The following RALYL variants were observed in gnomAD, a reference collection of about 807,000 sequenced individuals.
RALYL encodes the protein RNA-binding Raly-like protein.
A neutral mutation model predicts 35.1 loss-of-function variants in RALYL; 29 were observed. That is an observed-to-expected ratio of 0.83 (90% CI 0.61 to 1.13). The LOEUF is 1.13. RALYL is among the 50% of genes most tolerant of loss of function. RALYL has a pLI of 0.00. For synonymous variants in RALYL, 120 were observed against 127.6 expected, an observed-to-expected ratio of 0.94 and a Z score of 0.40; for missense variants, 359 against 360.4, an observed-to-expected ratio of 1.00 and a Z score of 0.03.
chr8:84,764,221 G>T (rs1463895495), intron 2 of RALYL, among the ~76,000 whole-genome samples: 4 of 152,080 alleles, frequency 2.6e-5, no homozygotes, highest in Non-Finnish European at 4.4e-5. Context: ...TTATTATGAT[G>T]CCTGTTACAT....
intron 2 of RALYL, among the ~76,000 whole-genome samples, chr8:84,544,860 T>G (rs2060252203): frequency 6.6e-6 from 1 of 152,078 alleles, no homozygotes. Flanking sequence ...CTTGAATTTT[T>G]CCCCATCTGA....
chr8:84,590,417 A>G (rs1252204), intron 2 of RALYL, among the ~76,000 whole-genome samples: 44,640 of 152,118 alleles, frequency 0.29, 7,263 homozygotes, highest in African/African-American at 0.44. Flanking sequence ...GTCAAAATAA[A>G]CAAGATGAAA....
chr8:84,760,921 T>G (rs940149681), intron 2 of RALYL, among the ~76,000 whole-genome samples: 4 of 152,090 alleles, frequency 2.6e-5, no homozygotes, highest in African/African-American at 9.6e-5. Flanking sequence ...AGAATGCCTG[T>G]AACTGCATGA....
intron 2 of RALYL, among the ~76,000 whole-genome samples, chr8:84,663,236 G>T (rs565594773): frequency 7.9e-5 from 12 of 152,104 alleles, no homozygotes; most frequent in Admixed American, 5.9e-4. Context: ...TCTATAATCG[G>T]TGGGCATTTT....
At chr8:84,583,076 ATTTC>A (rs1811205244) in intron 2 of RALYL, among the ~76,000 whole-genome samples, 2 of 152,034 alleles carry the variant, frequency 1.3e-5, no homozygotes, top group Non-Finnish European at 2.9e-5. Flanking sequence ...TGGATCTTTG[ATTTC>A]TTTGTCTCTT....
intron 2 of RALYL, among the ~76,000 whole-genome samples, chr8:84,565,576 A>G (rs1261878187): frequency 6.6e-6 from 1 of 151,634 alleles, no homozygotes; most frequent in African/African-American, 2.4e-5. Flanking sequence ...AGTCTATCCT[A>G]GAATTTTTTT....
rs186166436 is a variant in RALYL, at chr8:84,428,726, A to G, written c.-23-100573A>G. 1.5e-3 allele frequency among the ~76,000 whole-genome samples: 227 copies of G among 152,314 alleles called. 2 individuals carry two copies. The highest frequency in any genetic ancestry group is 4.4e-3 in the African/African-American group (185 of 41,580). ...GACACATACAGTGTAATTTGCAGAT[A>G]AAGGAATTCACACAGAAAACATATA... On this transcript the variant is annotated intron_variant, in intron 1 of 8. Transcript: ENST00000521268.
chr8:84,746,795 T>G (rs987950896), intron 2 of RALYL, among the ~76,000 whole-genome samples: 3 of 151,916 alleles, frequency 2.0e-5, no homozygotes, highest in African/African-American at 7.2e-5. Flanking sequence ...TTAAAATAAT[T>G]AATACAATTT....
intron 1 of RALYL, among the ~76,000 whole-genome samples, chr8:84,489,301 AC>A (rs1203308118): frequency 2.0e-5 from 3 of 152,022 alleles, no homozygotes; most frequent in African/African-American, 7.2e-5. Flanking sequence ...GAGCTCTGAA[AC>A]CCAGTTCAGA....
intron 1 of RALYL, among the ~76,000 whole-genome samples, chr8:84,519,924 C>T (rs1418212057): frequency 6.6e-6 from 1 of 152,170 alleles, no homozygotes; most frequent in Non-Finnish European, 1.5e-5. Flanking sequence ...CGGCCCTCTG[C>T]CAAATATGAT....
chr8:84,686,148 C>A (rs79763139), intron 2 of RALYL, among the ~76,000 whole-genome samples: 2,136 of 152,144 alleles, frequency 0.014, 60 homozygotes, highest in African/African-American at 0.048. Context: ...TCCTTTAGAA[C>A]AAATTTACTT....
At chr8:84,497,957 GT>G (rs34025556) in intron 1 of RALYL, among the ~76,000 whole-genome samples, 72,620 of 147,764 alleles carry the variant, frequency 0.49, 17,592 homozygotes, top group East Asian at 0.51. Flanking sequence ...TGCTTTTTAA[GT>G]TTTTTTTTTT....
At chr8:84,252,511 C>T (rs375420863) in intron 1 of RALYL, among the ~76,000 whole-genome samples, 1 of 152,060 alleles carries the variant, frequency 6.6e-6, no homozygotes, top group Admixed American at 6.6e-5. Flanking sequence ...GATGCAAAGG[C>T]GCAGACCTAT....
intron 2 of RALYL, among the ~76,000 whole-genome samples, chr8:84,642,873 C>T (rs563399717): frequency 3.1e-4 from 47 of 151,988 alleles, no homozygotes; most frequent in Non-Finnish European, 5.3e-4. Flanking sequence ...TACTTTATCT[C>T]CTGTCAGAGA....
intron 3 of RALYL, among the ~76,000 whole-genome samples, chr8:84,795,496 A>G (rs897687921): frequency 1.3e-5 from 2 of 152,180 alleles, no homozygotes; most frequent in African/African-American, 4.8e-5. Flanking sequence ...CAAATTCTAA[A>G]TATTGGCTGT....
intron 1 of RALYL, among the ~76,000 whole-genome samples, chr8:84,186,483 A>AAG (rs949047433): frequency 4.6e-5 from 7 of 152,018 alleles, no homozygotes; most frequent in Admixed American, 1.3e-4. Context: ...TAGTTCTTTT[A>AAG]AGAGAGAGAG....
intron 2 of RALYL, among the ~76,000 whole-genome samples, chr8:84,596,647 T>G (rs564466239): frequency 3.9e-5 from 6 of 152,072 alleles, no homozygotes; most frequent in African/African-American, 1.4e-4. Context: ...ACTGCAGAAG[T>G]GAGTTACTTT....
chr8:84,366,674 C>T (rs1401672513), intron 1 of RALYL, among the ~76,000 whole-genome samples: 1 of 139,282 alleles, frequency 7.2e-6, no homozygotes, highest in Non-Finnish European at 1.5e-5. Flanking sequence ...ACTTGGGAGG[C>T]TGAGGCAAGA....
At chr8:84,855,157 C>T (rs1836718684) in intron 5 of RALYL, among the ~76,000 whole-genome samples, 1 of 152,178 alleles carries the variant, frequency 6.6e-6, no homozygotes, top group Non-Finnish European at 1.5e-5. Flanking sequence ...ACCTTGCAGT[C>T]TCTTTCTTAG....
Sources: allele counts gnomAD v4.1 joint callset (sites outside exome capture counted in the v4.1 genomes callset), GRCh38; gene constraint gnomAD v4.1.1; transcripts MANE v1.5; gene names NCBI Gene and HGNC (gene_info 2026-07-23, HGNC 2026-07-21).